Variants in FER1L6 observed in about 807,000 individuals in gnomAD.
FER1L6 encodes the protein fer-1 like family member 6, also known as fer-1-like protein 6.
A neutral mutation model predicts 219.2 loss-of-function variants in FER1L6; 177 were observed. The ratio of observed to expected loss-of-function variants is 0.81; its 90% CI spans 0.71 to 0.91. The LOEUF is 0.91. Among genes scored for constraint, FER1L6 ranks in the 40% least tolerant of loss-of-function variants. The pLI, the probability that FER1L6 is intolerant of heterozygous loss-of-function variation, is 0.00. For synonymous variants in FER1L6, 768 were observed against 824.3 expected (o/e 0.93, Z 1.17); for missense variants, 2,153 against 2,259.9 (o/e 0.95, Z 0.96).
At chr8:124,081,095 C>T (rs750588537) in intron 32 of FER1L6, among the ~76,000 whole-genome samples, 59 of 152,138 alleles carry the variant, frequency 3.9e-4, no homozygotes, top group Non-Finnish European at 7.6e-4. Flanking sequence ...ATGAGGGCAG[C>T]AGCCCAGACA....
At chr8:124,104,899 G>T (rs1314978052) in intron 39 of FER1L6, among the ~76,000 whole-genome samples, 1 of 152,206 alleles carries the variant, frequency 6.6e-6, no homozygotes, top group Admixed American at 6.5e-5. Flanking sequence ...GATAGGCCCT[G>T]GGAATAAGAC....
chr8:123,863,986 A>C (rs1302894716), intron 1 of FER1L6, among the ~76,000 whole-genome samples: 2 of 148,452 alleles, frequency 1.3e-5, no homozygotes, highest in East Asian at 2.0e-4. Flanking sequence ...TTACATTTAA[A>C]GTTAATATTG....
At chr8:123,864,595 C>T (rs550932954) in intron 1 of FER1L6, among the ~76,000 whole-genome samples, 7 of 149,678 alleles carry the variant, frequency 4.7e-5, no homozygotes, top group African/African-American at 1.0e-4. Flanking sequence ...TGGTTCCATT[C>T]TCCGCATCAC....
chr8:124,051,261 C>A (rs1049449280), intron 22 of FER1L6, among the ~76,000 whole-genome samples: 2 of 152,038 alleles, frequency 1.3e-5, no homozygotes, highest in Non-Finnish European at 2.9e-5. Flanking sequence ...TTTAAACTAC[C>A]CAGTCTATAG....
chr8:123,880,968 C>T lies in FER1L6; in HGVS notation c.-8+28783C>T, dbSNP rs185950722. Among the ~76,000 whole-genome samples the T allele has an allele frequency of 2.4e-4, 36 of 152,256 alleles. No homozygotes were observed. In the East Asian group the frequency reaches 6.8e-3, roughly 29 times the overall value. On this transcript the variant is annotated intron_variant, in intron 1 of 40. Transcript: ENST00000522917. ...GCAGTGCAAGCTGAGCTTTATTGCACGTCACCTGCAGCTTAACCCCAAACC... is the reference window on the plus strand; with the variant it reads ...GCAGTGCAAGCTGAGCTTTATTGCATGTCACCTGCAGCTTAACCCCAAACC...
In FER1L6 at chr8:124,030,328, G is replaced by A. The variant is rs945374163; in HGVS notation, c.2287-4949G>A. Among the ~76,000 whole-genome samples the A allele has an allele frequency of 3.3e-5, 5 of 152,184 alleles. No individual in the cohort carries two copies. In the South Asian group the frequency reaches 6.2e-4, roughly 19 times the overall value. On this transcript the variant is annotated intron_variant, in intron 18 of 40. Coordinates refer to ENST00000522917, the MANE Select transcript of FER1L6 (RefSeq NM_001039112.2). The stretch of plus-strand genomic sequence containing the variant: ...TCAGTAACAGCAATGAAGGTTTTGC[G>A]GTCCCGGGTTGCATGATCTTCCTTT...
chr8:123,978,652 T>C (rs1816196818), intron 10 of FER1L6, among the ~76,000 whole-genome samples: 1 of 152,222 alleles, frequency 6.6e-6, no homozygotes, highest in African/African-American at 2.4e-5. Context: ...CACATACATA[T>C]ACATGTATGT....
At position 124,078,794 on chromosome 8, in the gene FER1L6, G is replaced by A. The variant is rs139023396; in HGVS notation, c.4220+2469G>A. Among the ~76,000 whole-genome samples, 1,064 of 151,712 alleles carry A rather than the reference G, an allele frequency of 7.0e-3. 5 individuals are homozygous for A. Among genetic ancestry groups the A allele is most frequent in the South Asian group, 0.015 (72 of 4,798 alleles). On this transcript the variant is annotated intron_variant, in intron 32 of 40. Coordinates refer to ENST00000522917, the MANE Select transcript of FER1L6 (RefSeq NM_001039112.2). ...GAGGACGTGATGTGGCAGGAACTATGGGTATCAATCCGGGTTCCACCACAG... is the reference window on the plus strand; with the variant it reads ...GAGGACGTGATGTGGCAGGAACTATAGGTATCAATCCGGGTTCCACCACAG...
intron 1 of FER1L6, among the ~76,000 whole-genome samples, chr8:123,890,544 T>C (rs1314080950): frequency 6.6e-6 from 1 of 151,736 alleles, no homozygotes; most frequent in African/African-American, 2.4e-5. Flanking sequence ...AGTTATCATT[T>C]ATTTTGTTTA....
At chr8:124,003,759 G>A (rs531353624) in intron 13 of FER1L6, among the ~76,000 whole-genome samples, 1 of 152,066 alleles carries the variant, frequency 6.6e-6, no homozygotes, top group East Asian at 1.9e-4. Flanking sequence ...GAGCCACTGT[G>A]CCCGGCCAGA....
At chr8:124,071,106 C>G (rs1264546286) in intron 30 of FER1L6, among the ~76,000 whole-genome samples, 1 of 152,158 alleles carries the variant, frequency 6.6e-6, no homozygotes, top group Non-Finnish European at 1.5e-5. Flanking sequence ...TAGTATTAAC[C>G]AGCTGCATGA....
At chr8:124,066,624 T>TA in intron 27 of FER1L6, 74 bp downstream of exon 27, 1 of 1,527,772 alleles carries the variant, frequency 6.5e-7, no homozygotes, top group South Asian at 1.2e-5. Flanking sequence ...CCCTAAGTCC[T>TA]ACATAACCTC....
chr8:124,103,824 T>A (rs1822648759), intron 39 of FER1L6, among the ~76,000 whole-genome samples: 1 of 152,206 alleles, frequency 6.6e-6, no homozygotes, highest in Non-Finnish European at 1.5e-5. Flanking sequence ...TTCACCTCCT[T>A]CACTGATCCT....
At chr8:124,004,484 T>A (rs1817570479) in intron 13 of FER1L6, among the ~76,000 whole-genome samples, 1 of 152,174 alleles carries the variant, frequency 6.6e-6, no homozygotes, top group African/African-American at 2.4e-5. Context: ...CTAGACACTC[T>A]CTGGGGACTG....
intron 34 of FER1L6, among the ~76,000 whole-genome samples, chr8:124,093,833 GTATTTA>G (rs1168952050): frequency 6.6e-6 from 1 of 151,454 alleles, no homozygotes; most frequent in African/African-American, 2.4e-5. Flanking sequence ...TACATAATAG[GTATTTA>G]TATTTATGGG....
At chr8:123,969,926 A>G in intron 5 of FER1L6, 109 bp from the exon 6 acceptor site, 1 of 802,600 alleles carries the variant, frequency 1.2e-6, no homozygotes, top group Non-Finnish European at 2.2e-6. Flanking sequence ...ATGTATATAT[A>G]TTCATGCAGC....
chr8:124,023,551 G>C lies in FER1L6; in HGVS notation c.2241G>C (p.Gly747=). ...ACCTCCTCTATTCCCCTGTCGCGGG[G>C]CAGATGGGCAAACACTGCGGCAAGA... The part of the protein sequence containing the change: ...SKDLLYSPVA[G]QMGKHCGKIK... The change falls in exon 18 of 41, where the codon GGG becomes GGC. Residue 747 remains glycine (G), a synonymous_variant. Transcript: ENST00000522917. 1 of 1,614,154 alleles carries C rather than the reference G, an allele frequency of 6.2e-7. No individual in the cohort carries two copies. Among genetic ancestry groups the C allele is most frequent in the Admixed American group, 1.7e-5 (1 of 60,026 alleles).
At chr8:123,921,387 CAGGAT>C (rs1277371929) in intron 1 of FER1L6, among the ~76,000 whole-genome samples, 2 of 152,046 alleles carry the variant, frequency 1.3e-5, no homozygotes, top group African/African-American at 4.8e-5. Context: ...TTTTTAGAGA[CAGGAT>C]TTTACTCTGT....
At chr8:123,909,945 G>A (rs1344252675) in intron 1 of FER1L6, among the ~76,000 whole-genome samples, 2 of 152,166 alleles carry the variant, frequency 1.3e-5, no homozygotes, top group Non-Finnish European at 2.9e-5. Context: ...AACATATGGA[G>A]TCATAAAAAA....
Sources: gnomAD v4.1 joint callset for allele counts (sites outside exome capture counted in the v4.1 genomes callset) on GRCh38, gnomAD v4.1.1 for gene constraint, MANE v1.5 for transcripts, NCBI Gene and HGNC (gene_info 2026-07-23, HGNC 2026-07-21) for gene names.